The following APOL3 variants were observed in gnomAD, a reference collection of about 807,000 sequenced individuals.
APOL3 encodes TNF-inducible protein CG12-1.
Under a neutral mutation model 11.6 loss-of-function variants are expected in APOL3, and 14 were observed. The ratio of observed to expected loss-of-function variants is 1.21; its 90% CI spans 0.80 to 1.89. APOL3 has a LOEUF of 1.89. Ranked by LOEUF, APOL3 falls within the 40% of genes most tolerant of loss-of-function variation. The probability of loss-of-function intolerance (pLI) is 0.00; values close to 1 mark genes in which losing one functional copy is unlikely to be tolerated. For synonymous variants in APOL3, 192 were observed against 190.6 expected, an observed-to-expected ratio of 1.01 and a Z score of -0.06; for missense variants, 483 against 492.1, an observed-to-expected ratio of 0.98 and a Z score of 0.17.
chr22:36,161,322 A>G (rs2013682293), upstream of APOL3, among the ~76,000 whole-genome samples: 1 of 152,108 alleles, frequency 6.6e-6, no homozygotes, highest in Non-Finnish European at 1.5e-5. Flanking sequence ...AGTAGCTGGG[A>G]CTACAAGCAT....
At chr22:36,147,479 G>A (rs2060262557) in intron 1 of APOL3, among the ~76,000 whole-genome samples, 1 of 152,196 alleles carries the variant, frequency 6.6e-6, no homozygotes, top group Non-Finnish European at 1.5e-5. Flanking sequence ...AAGCCCTTCT[G>A]AAGGATTCCG....
intron 1 of APOL3, among the ~76,000 whole-genome samples, chr22:36,150,673 A>AT (rs1430127173): frequency 2.0e-5 from 3 of 152,186 alleles, no homozygotes; most frequent in Admixed American, 6.5e-5. Flanking sequence ...GATCAAGACC[A>AT]TGCTGGCCAA....
chr22:36,146,493 TCA>T (rs1450538463), intron 1 of APOL3: 1 of 152,124 alleles, frequency 6.6e-6, no homozygotes. Flanking sequence ...ATTGAAAATA[TCA>T]GAGTGTATTG....
intron 1 of APOL3, chr22:36,155,868 C>T (rs2097465): frequency 0.25 from 40,526 of 159,682 alleles, 5,912 homozygotes; most frequent in Non-Finnish European, 0.34. Context: ...GCATGTCCTC[C>T]CTGGGCAAGC....
intron 1 of APOL3, 135 bp downstream of exon 2, chr22:36,148,911 T>G: frequency 5.8e-6 from 5 of 861,118 alleles, no homozygotes; most frequent in Non-Finnish European, 8.8e-6. Context: ...TGTGGCCTCT[T>G]TTGGGGCTCA....
chr22:36,160,996 G>A (rs2013663346), upstream of APOL3: 3 of 1,012,316 alleles, frequency 3.0e-6, no homozygotes, highest in Admixed American at 2.1e-5. Context: ...AGGGTTGGGG[G>A]TTTGCTGTGT....
At chr22:36,144,278 C>A (rs2060105533) in intron 2 of APOL3, among the ~76,000 whole-genome samples, 1 of 152,160 alleles carries the variant, frequency 6.6e-6, no homozygotes, top group South Asian at 2.1e-4. Context: ...AGCCTTCCTG[C>A]TGCTCCTCCA....
At chr22:36,141,576 A>G (rs746219042) in exon 3 of APOL3, 1 of 1,614,252 alleles carries the variant, frequency 6.2e-7, no homozygotes, top group Non-Finnish European at 8.5e-7. Context: ...AAGAAGGGAA[A>G]GTAAGTTGGG....
At chr22:36,159,680 C>A (rs1348993103) in intron 1 of APOL3, 1 of 152,176 alleles carries the variant, frequency 6.6e-6, no homozygotes, top group Non-Finnish European at 1.5e-5. Flanking sequence ...CACCCAGAGG[C>A]CTGAAAAGGA....
At chr22:36,141,305 C>A in exon 3 of APOL3, 2 of 1,614,168 alleles carry the variant, frequency 1.2e-6, no homozygotes, top group East Asian at 2.2e-5. Context: ...CAGATGCAGA[C>A]TTTGCCCCCT....
intron 1 of APOL3, among the ~76,000 whole-genome samples, chr22:36,148,629 C>T (rs2060304471): frequency 6.6e-6 from 1 of 152,190 alleles, no homozygotes; most frequent in East Asian, 1.9e-4. Context: ...CTGGCCTGTG[C>T]TGGAAACACC....
chr22:36,165,449 GA>G (rs2013835378), upstream of APOL3: 1 of 152,114 alleles, frequency 6.6e-6, no homozygotes. Context: ...AAAAATTACA[GA>G]CAGGGCCAAC....
intron 2 of APOL3, among the ~76,000 whole-genome samples, chr22:36,144,705 A>T (rs979272412): frequency 6.6e-6 from 1 of 152,156 alleles, no homozygotes; most frequent in Non-Finnish European, 1.5e-5. Context: ...CCTGCTGGGC[A>T]TCCAACTCTA....
intron 1 of APOL3, chr22:36,149,349 C>T: frequency 7.7e-7 from 1 of 1,306,444 alleles, no homozygotes; most frequent in East Asian, 5.5e-5. Flanking sequence ...CTCACTCTCA[C>T]ACCAAGGCAG....
intron 2 of APOL3, among the ~76,000 whole-genome samples, chr22:36,143,638 C>G (rs964336911): frequency 6.6e-6 from 1 of 152,200 alleles, no homozygotes; most frequent in Non-Finnish European, 1.5e-5. Flanking sequence ...GCCACTGCCC[C>G]CTTTGACTGA....
intron 1 of APOL3, among the ~76,000 whole-genome samples, chr22:36,157,306 C>T (rs565562935): frequency 4.6e-5 from 7 of 152,266 alleles, no homozygotes; most frequent in African/African-American, 1.4e-4. Context: ...GGGACTTTTA[C>T]GGGAAAGAGG....
At chr22:36,144,784 A>T (rs2060123142) in intron 2 of APOL3, among the ~76,000 whole-genome samples, 1 of 152,038 alleles carries the variant, frequency 6.6e-6, no homozygotes. Context: ...CCGAGGCGGG[A>T]GGATCACGAG....
chr22:36,154,433 C>G, intron 1 of APOL3: 1 of 357,632 alleles, frequency 2.8e-6, no homozygotes, highest in South Asian at 2.3e-5. Context: ...AAACAGGGTA[C>G]TTGAAATGCA....
chr22:36,147,077 G>C (rs1469369296), intron 1 of APOL3, among the ~76,000 whole-genome samples: 2 of 152,122 alleles, frequency 1.3e-5, no homozygotes, highest in African/African-American at 4.8e-5. Context: ...CAAGGCCAGC[G>C]TTCCCTTGCC....
Sources: gnomAD v4.1 joint callset for allele counts (sites outside exome capture counted in the v4.1 genomes callset) on GRCh38, gnomAD v4.1.1 for gene constraint, MANE v1.5 for transcripts, NCBI Gene and HGNC (gene_info 2026-07-23, HGNC 2026-07-21) for gene names.